The following ALG10 variants were observed in gnomAD, a reference collection of about 807,000 sequenced individuals.
ALG10 encodes the protein dol-P-Glc:Glc(2)Man(9)GlcNAc(2)-PP-Dol alpha-1,2-glucosyltransferase A.
ALG10 carries 25 observed loss-of-function variants against 39.2 expected under a neutral mutation model. The ratio of observed to expected loss-of-function variants is 0.64; its 90% CI spans 0.46 to 0.89. The LOEUF is 0.89. Ranked by LOEUF, ALG10 falls within the 40% of genes least tolerant of loss-of-function variation. The probability of loss-of-function intolerance (pLI) is 0.00; values close to 1 mark genes in which losing one functional copy is unlikely to be tolerated. For synonymous variants in ALG10, 184 were observed against 193.9 expected, an observed-to-expected ratio of 0.95 and a Z score of 0.42; for missense variants, 486 against 546.6, an observed-to-expected ratio of 0.89 and a Z score of 1.11.
At chr12:34,024,812 A>T (rs1942814003) in intron 2 of ALG10, among the ~76,000 whole-genome samples, 1 of 152,192 alleles carries the variant, frequency 6.6e-6, no homozygotes, top group African/African-American at 2.4e-5. Context: ...CAGTAGTGTC[A>T]GTTATGATAG....
rs199684664 is a variant in ALG10, at chr12:34,022,650, T to G, written c.51T>G (p.Phe17Leu). The change falls in exon 1 of 3, where the codon TTT (phenylalanine) becomes TTG (leucine). Residue 17 changes from phenylalanine to leucine, a missense_variant. Phe to Leu is a conservative substitution (Grantham distance 22). Coordinates refer to ENST00000266483, the MANE Select transcript of ALG10 (RefSeq NM_032834.4). ...TCTCGGCCGCCTTGAGCTGTACCTT[T>G]TTAGTATCCTGCCTCCTCTTCTCCG... ...YYFSAALSCTFLVSCLLFSAF... is the reference protein window; with the variant it reads ...YYFSAALSCTLLVSCLLFSAF... 3.0e-5 allele frequency: 49 copies of G among 1,613,992 alleles called. No homozygotes were observed. In the African/African-American group the frequency reaches 6.3e-4, roughly 21 times the overall value.
At chr12:34,024,447 A>G (rs1394373215) in intron 2 of ALG10, among the ~76,000 whole-genome samples, 1 of 152,232 alleles carries the variant, frequency 6.6e-6, no homozygotes, top group Non-Finnish European at 1.5e-5. Flanking sequence ...GACTGGGACT[A>G]CAGAGATAAA....
Position 34,026,697 on chromosome 12 carries a change from T to C in ALG10, c.1204T>C (p.Cys402Arg). Residue 402 changes from cysteine (C) to arginine (R), a missense_variant, in exon 3 of 3, where the codon TGC (cysteine) becomes CGC (arginine). Transcript: ENST00000266483. Reference protein sequence around the residue: ...SIFWNLMFFICLFTVIVPQKL... With the variant: ...SIFWNLMFFIRLFTVIVPQKL... The stretch of plus-strand genomic sequence containing the variant: ...TTTTTGGAATTTAATGTTTTTCATA[T>C]GCTTGTTCACTGTTATAGTTCCTCA... The C allele has an allele frequency of 3.7e-6, 6 of 1,613,884 alleles. No individual in the cohort carries two copies. Among genetic ancestry groups the C allele is most frequent in the Non-Finnish European group, 4.2e-6 (5 of 1,179,876 alleles).
At position 34,023,547 on chromosome 12, in the gene ALG10, G is replaced by A. The variant is rs1233052488; in HGVS notation, c.172-415G>A. ...GCATATTGTAACGTTAATACAGAGG[G>A]TTTGGCAACAATTTCTGTCTCAGTT... is the stretch of plus-strand genomic sequence containing the variant. On this transcript the variant is annotated intron_variant, in intron 1 of 2. Transcript: ENST00000266483. 7 of 296,278 alleles carry A rather than the reference G, an allele frequency of 2.4e-5. No individual in the cohort carries two copies. The East Asian group carries it at 4.3e-4, about 18-fold the overall frequency. 18.4% of individuals were successfully genotyped at this position (296,278 alleles called of 1,614,324 possible). A position where few individuals can be genotyped will look rare whatever the true frequency, so the allele number is the denominator to read the frequency against.
At chr12:34,023,036 C>T (rs1251776909) in intron 1 of ALG10, 2 of 486,762 alleles carry the variant, frequency 4.1e-6, no homozygotes, top group African/African-American at 1.9e-5. Flanking sequence ...TGGCAGCTGA[C>T]GATATCGATC....
At chr12:34,025,757 G>A (rs571016570) in intron 2 of ALG10, 106 bp from the exon 3 acceptor site, 4 of 1,345,374 alleles carry the variant, frequency 3.0e-6, no homozygotes, top group Non-Finnish European at 4.2e-6. Context: ...ATTTAAAGAA[G>A]GTTTGAGTAG....
At position 34,026,816 on chromosome 12, in the gene ALG10, G is replaced by C. The variant is rs377569602; in HGVS notation, c.1323G>C (p.Leu441=). The change falls in exon 3 of 3, where the codon CTG becomes CTC. Residue 441 remains leucine (L), a synonymous_variant. Coordinates refer to ENST00000266483, the MANE Select transcript of ALG10 (RefSeq NM_032834.4). ...CCACATCCAGACTCATTTGTGAACT[G>C]AGCTGCTATGCAGTTGTTAATTTCA... ...LPPTSRLICE[L]SCYAVVNFIT... 3 of 1,613,804 alleles carry C rather than the reference G, an allele frequency of 1.9e-6. No individual in the cohort carries two copies. Among genetic ancestry groups the C allele is most frequent in the Non-Finnish European group, 2.5e-6 (3 of 1,179,890 alleles).
intron 2 of ALG10, among the ~76,000 whole-genome samples, chr12:34,024,836 A>G (rs1942814269): frequency 6.6e-6 from 1 of 152,216 alleles, no homozygotes; most frequent in South Asian, 2.1e-4. Flanking sequence ...GGTAAACATA[A>G]GATGCTATGA....
rs773169043 is a variant in ALG10 at position 34,026,748 on chromosome 12, A to G, written c.1255A>G (p.Ile419Val). 6 of 1,613,742 alleles carry G rather than the reference A, an allele frequency of 3.7e-6. No homozygotes were observed. In the South Asian group the frequency reaches 5.5e-5, roughly 15 times the overall value. The change falls in exon 3 of 3, where the codon ATT becomes GTT. Residue 419 changes from isoleucine to valine, a missense_variant. By Grantham distance (29) the Ile-to-Val change is conservative. Transcript: ENST00000266483. ...GAAACTGCTGGAATTTCGTTACTTC[A>G]TTTTACCTTATGTCATTTATAGGCT... ...PQKLLEFRYF[I>V]LPYVIYRLNI...
Position 34,023,888 on chromosome 12 carries a change from T to C in ALG10, c.172-74T>C, listed in dbSNP as rs945167796. The C allele has an allele frequency of 4.5e-6, 7 of 1,559,986 alleles. No individual in the cohort carries two copies. In the African/African-American group the frequency reaches 9.5e-5, roughly 21 times the overall value. Reference sequence around the variant, plus strand: ...TTCTGATTGTTGCTGGAGATGAGACTTGGGCTTGACATATTTGTGCCTGTC... The same window carrying C: ...TTCTGATTGTTGCTGGAGATGAGACCTGGGCTTGACATATTTGTGCCTGTC... On this transcript the variant is annotated intron_variant, in intron 1 of 2. Coordinates refer to ENST00000266483, the MANE Select transcript of ALG10 (RefSeq NM_032834.4).
intron 1 of ALG10, chr12:34,023,100 A>G: frequency 1.1e-5 from 3 of 280,164 alleles, no homozygotes; most frequent in Non-Finnish European, 2.0e-5. Flanking sequence ...CTCCTTGGAA[A>G]TACCAGAAAA....
At chr12:34,022,800 G>C (rs764686344) in intron 1 of ALG10, 30 bp downstream of exon 1, 31 of 1,613,374 alleles carry the variant, frequency 1.9e-5, no homozygotes, top group Non-Finnish European at 2.5e-5. Context: ...CCCACCCCAG[G>C]AGAGGCCTGA....
intron 1 of ALG10, 25 bp downstream of exon 1, chr12:34,022,795 C>G: frequency 6.2e-7 from 1 of 1,614,046 alleles, no homozygotes; most frequent in Non-Finnish European, 8.5e-7. Flanking sequence ...CTGTCCCCAC[C>G]CCAGGAGAGG....
In ALG10 at chr12:34,026,756, T is replaced by G; in HGVS notation, c.1263T>G (p.Pro421=). ...TGGAATTTCGTTACTTCATTTTACC[T>G]TATGTCATTTATAGGCTTAACATAC... The part of the protein sequence containing the change: ...KLLEFRYFIL[P]YVIYRLNIPL... The change falls in exon 3 of 3, where the codon CCT becomes CCG. Residue 421 remains proline (P), a synonymous_variant. Transcript: ENST00000266483. 6.2e-7 allele frequency: 1 copy of G among 1,613,972 alleles called. No homozygotes were observed. Among genetic ancestry groups the G allele is most frequent in the Middle Eastern group, 1.7e-4 (1 of 6,060 alleles).
Position 34,027,001 on chromosome 12 carries a change from A to AT in ALG10, c.*89dup, listed in dbSNP as rs1301784696. 2.1e-6 allele frequency: 3 copies of AT among 1,462,776 alleles called. No individual in the cohort carries two copies. The highest frequency in any genetic ancestry group is 2.8e-6 in the Non-Finnish European group (3 of 1,080,808). The allele number at this position is 1,462,776 out of a possible 1,614,324, so 90.6% of individuals were successfully genotyped here. A position where few individuals can be genotyped will look rare whatever the true frequency, so the allele number is the denominator to read the frequency against. ...CAACTGAATAGGTGGAAAACATGGA[A>AT]TTTCTTTTAGGTGCAGTGGTGGTCT... On this transcript the variant is annotated 3_prime_UTR_variant, in exon 3 of 3. Coordinates refer to ENST00000266483, the MANE Select transcript of ALG10 (RefSeq NM_032834.4).
chr12:34,022,763 T>A lies in ALG10; in HGVS notation c.164T>A (p.Leu55His). Reference sequence around the variant, plus strand: ...CGCTACTGTGAGGGCCATTTCTCCCTTTCCCAGGTGGGGTCCCCAACCTGT... The same window carrying A: ...CGCTACTGTGAGGGCCATTTCTCCCATTCCCAGGTGGGGTCCCCAACCTGT... The part of the protein sequence containing the change: ...AQRYCEGHFS[L>H]SQWDPMITTL... The change falls in exon 1 of 3, where the codon CTT becomes CAT. Residue 55 changes from leucine to histidine, a missense_variant. Leu to His is a moderately conservative substitution (Grantham distance 99). Transcript: ENST00000266483. 6.2e-7 allele frequency: 1 copy of A among 1,614,144 alleles called. No homozygotes were observed. Among genetic ancestry groups the A allele is most frequent in the African/African-American group, 1.3e-5 (1 of 75,054 alleles).
chr12:34,025,800 G>A, intron 2 of ALG10, 63 bp from the exon 3 acceptor site: 3 of 1,588,292 alleles, frequency 1.9e-6, no homozygotes, highest in Non-Finnish European at 1.7e-6. Flanking sequence ...TCTTCATTAG[G>A]TAAGCAGAAA....
In ALG10 at chr12:34,022,778, C is replaced by A; in HGVS notation, c.171+8C>A. The A allele has an allele frequency of 1.2e-6, 2 of 1,614,074 alleles. No homozygotes were observed. Among genetic ancestry groups the A allele is most frequent in the Non-Finnish European group, 1.7e-6 (2 of 1,179,996 alleles). ...CATTTCTCCCTTTCCCAGGTGGGGT[C>A]CCCAACCTGTCCCCACCCCAGGAGA... is the stretch of plus-strand genomic sequence containing the variant. On this transcript the variant is annotated splice_region_variant and intron_variant, in intron 1 of 2. Coordinates refer to ENST00000266483, the MANE Select transcript of ALG10 (RefSeq NM_032834.4).
chr12:34,024,840 G>C (rs778752796), intron 2 of ALG10, among the ~76,000 whole-genome samples: 71 of 152,306 alleles, frequency 4.7e-4, no homozygotes, highest in Non-Finnish European at 7.9e-4. Flanking sequence ...AACATAAGAT[G>C]CTATGAGGAT....
Sources: gnomAD v4.1 joint callset for allele counts (sites outside exome capture counted in the v4.1 genomes callset) on GRCh38, gnomAD v4.1.1 for gene constraint, MANE v1.5 for transcripts, NCBI Gene and HGNC (gene_info 2026-07-23, HGNC 2026-07-21) for gene names.